LEPROTL1: variants seen among roughly 807,000 people sequenced by gnomAD.
LEPROTL1 encodes the protein leptin receptor overlapping transcript-like 1.
In LEPROTL1, 6 loss-of-function variants were observed where a neutral mutation model predicts 15.4. The observed-to-expected ratio is 0.39, with a 90% CI of 0.21 to 0.77. LEPROTL1 has a LOEUF of 0.77. Among genes scored for constraint, LEPROTL1 ranks in the 30% least tolerant of loss-of-function variants. The probability of loss-of-function intolerance (pLI) is 0.41; values close to 1 mark genes in which losing one functional copy is unlikely to be tolerated. For synonymous variants in LEPROTL1, 56 were observed against 52.6 expected (o/e 1.06, Z -0.28); for missense variants, 128 against 158.1 (o/e 0.81, Z 1.02).
intron 3 of LEPROTL1, among the ~76,000 whole-genome samples, chr8:30,121,697 C>A (rs1291805919): frequency 6.6e-6 from 1 of 152,084 alleles, no homozygotes. Flanking sequence ...CTGCTTTTTA[C>A]CCAATGCAGG....
intron 3 of LEPROTL1, among the ~76,000 whole-genome samples, chr8:30,128,467 G>A (rs1054951289): frequency 6.6e-6 from 1 of 151,972 alleles, no homozygotes; most frequent in Non-Finnish European, 1.5e-5. Context: ...AAAAAATTAC[G>A]GGGCTGGACA....
downstream of LEPROTL1, among the ~76,000 whole-genome samples, chr8:30,112,401 A>ATTTTTTTTTTTTTTTTTTTTTT (rs10684450): frequency 8.6e-4 from 24 of 27,888 alleles, 5 homozygotes; most frequent in East Asian, 1.7e-3. Context: ...TGCCCAGCTA[A>ATTTTTTTTTTTTTTTTTTTTTT]TTTTTTTTTT....
At position 30,122,804 on chromosome 8, in the gene LEPROTL1, T is replaced by G. The variant is rs150745459; in HGVS notation, c.280-9571T>G. On this transcript the variant is annotated intron_variant, in intron 3 of 4. Coordinates refer to the LEPROTL1 transcript ENST00000442880. Reference sequence around the variant, plus strand: ...TGCAAGACTCTCTCCCAAAAAAACTTTTGGGAGTTTAATTGGGATTGCATT... The same window carrying G: ...TGCAAGACTCTCTCCCAAAAAAACTGTTGGGAGTTTAATTGGGATTGCATT... Among the ~76,000 whole-genome samples the G allele has an allele frequency of 3.3e-4, 50 of 152,224 alleles. 1 individual carries two copies. The East Asian group carries it at 9.3e-3, about 28-fold the overall frequency.
intron 1 of LEPROTL1, chr8:30,095,949 A>G: frequency 1.5e-6 from 1 of 688,970 alleles, no homozygotes; most frequent in East Asian, 2.8e-5. Context: ...ATGGAAAACC[A>G]GTCATTTCCC....
intron 2 of LEPROTL1, 118 bp from the exon 3 acceptor site, chr8:30,104,182 G>A: frequency 3.8e-6 from 2 of 533,208 alleles, no homozygotes; most frequent in Non-Finnish European, 6.3e-6. Flanking sequence ...TTATGCTAAG[G>A]TTGGGTATCA....
rs1585466141 is a variant in LEPROTL1 at position 30,106,616 on chromosome 8, G to A, written c.*754G>A. On this transcript the variant is annotated 3_prime_UTR_variant, in exon 4 of 4. Coordinates refer to ENST00000321250, the MANE Select transcript of LEPROTL1 (RefSeq NM_015344.3). ...TTTTTGAGATAAGGTTTTTATTTATGTTTATTATTGTTAGAGTGAGTTGCA... is the reference window on the plus strand; with the variant it reads ...TTTTTGAGATAAGGTTTTTATTTATATTTATTATTGTTAGAGTGAGTTGCA... 1.1e-5 allele frequency: 11 copies of A among 983,056 alleles called. No homozygotes were observed. The highest frequency in any genetic ancestry group is 1.3e-5 in the Non-Finnish European group (11 of 827,472). The allele number at this position is 983,056 out of a possible 1,614,324, so 60.9% of individuals were successfully genotyped here.
intron 3 of LEPROTL1, among the ~76,000 whole-genome samples, chr8:30,125,549 G>A (rs898666816): frequency 2.6e-5 from 4 of 152,216 alleles, no homozygotes; most frequent in African/African-American, 9.7e-5. Flanking sequence ...GAGGCAGATT[G>A]GGAGATGGAT....
Position 30,095,535 on chromosome 8 carries a change from C to G in LEPROTL1, c.16+7C>G. ...GCCATGGCAGGCATCAAAGGTGGGCCTGGGTTGCAGGACGCGGGAGGGCTG... is the reference window on the plus strand; with the variant it reads ...GCCATGGCAGGCATCAAAGGTGGGCGTGGGTTGCAGGACGCGGGAGGGCTG... On this transcript the variant is annotated splice_region_variant and intron_variant, in intron 1 of 3. Coordinates refer to ENST00000321250, the MANE Select transcript of LEPROTL1 (RefSeq NM_015344.3). 7.0e-7 allele frequency: 1 copy of G among 1,433,358 alleles called. No individual in the cohort carries two copies. The highest frequency in any genetic ancestry group is 1.4e-5 in the South Asian group (1 of 72,448). The allele number at this position is 1,433,358 out of a possible 1,614,324, so 88.8% of individuals were successfully genotyped here. A position where few individuals can be genotyped will look rare whatever the true frequency, so the allele number is the denominator to read the frequency against.
At chr8:30,120,184 A>G (rs1802808299) in intron 3 of LEPROTL1, among the ~76,000 whole-genome samples, 2 of 152,154 alleles carry the variant, frequency 1.3e-5, no homozygotes, top group Non-Finnish European at 1.5e-5. Context: ...ATTACTAATG[A>G]GTTTTGCCCC....
chr8:30,104,721 T>C, intron 3 of LEPROTL1: 1 of 340,212 alleles, frequency 2.9e-6, no homozygotes, highest in African/African-American at 2.2e-5. Context: ...TTTCTTTTTT[T>C]TTTTTTTTTG....
chr8:30,130,781 ATTT>A (rs11411595), intron 3 of LEPROTL1, among the ~76,000 whole-genome samples: 4 of 134,038 alleles, frequency 3.0e-5, no homozygotes, highest in African/African-American at 1.1e-4. Flanking sequence ...TCAAAAAAAA[ATTT>A]TTTTTTTTTT....
chr8:30,116,895 C>T (rs1265350065), intron 3 of LEPROTL1, among the ~76,000 whole-genome samples: 1 of 151,978 alleles, frequency 6.6e-6, no homozygotes, highest in East Asian at 1.9e-4. Flanking sequence ...GGACTGGGCC[C>T]TCACCCTGTG....
rs1802562549 is a variant in LEPROTL1 at position 30,106,151 on chromosome 8, GA to G, written c.*290del. 4.0e-6 allele frequency: 4 copies of G among 999,818 alleles called. No individual in the cohort carries two copies. Among genetic ancestry groups the G allele is most frequent in the Non-Finnish European group, 4.8e-6 (4 of 839,064 alleles). The allele number at this position is 999,818 out of a possible 1,614,324, so 61.9% of individuals were successfully genotyped here. A position where few individuals can be genotyped will look rare whatever the true frequency, so the allele number is the denominator to read the frequency against. ...ATTTATGTGTTTTTCCTGTTAGGTT[GA>G]TTTTTTTTGGAATCAATATGCAATG... On this transcript the variant is annotated 3_prime_UTR_variant, in exon 4 of 4. Transcript: ENST00000321250.
At chr8:30,128,829 T>A (rs1802946170) in intron 3 of LEPROTL1, among the ~76,000 whole-genome samples, 1 of 150,968 alleles carries the variant, frequency 6.6e-6, no homozygotes, top group Admixed American at 6.6e-5. Context: ...CTCGAAGGAT[T>A]TTCATCAACT....
chr8:30,120,037 G>A (rs556175810), intron 3 of LEPROTL1, among the ~76,000 whole-genome samples: 1 of 152,048 alleles, frequency 6.6e-6, no homozygotes, highest in African/African-American at 2.4e-5. Flanking sequence ...CTGCACTCCA[G>A]ACTGGGCAAC....
intron 3 of LEPROTL1, chr8:30,117,794 A>C (rs1802765474): frequency 1.4e-6 from 1 of 736,220 alleles, no homozygotes; most frequent in South Asian, 1.5e-5. Flanking sequence ...GCGGCGCAGA[A>C]AGATGGCAGG....
intron 1 of LEPROTL1, among the ~76,000 whole-genome samples, chr8:30,097,060 T>G (rs1046622851): frequency 2.0e-5 from 3 of 152,246 alleles, no homozygotes; most frequent in Non-Finnish European, 4.4e-5. Flanking sequence ...TTTTGCTAGA[T>G]AATTGGGCTG....
At position 30,101,945 on chromosome 8, in the gene LEPROTL1, A is replaced by G. The variant is rs751220534; in HGVS notation, c.64A>G (p.Met22Val). 3 of 1,608,982 alleles carry G rather than the reference A, an allele frequency of 1.9e-6. No homozygotes were observed. The highest frequency in any genetic ancestry group is 2.5e-6 in the Non-Finnish European group (3 of 1,176,548). Residue 22 changes from methionine (M) to valine (V), a missense_variant, in exon 2 of 4, where the codon ATG (methionine) becomes GTG (valine). Coordinates refer to ENST00000321250, the MANE Select transcript of LEPROTL1 (RefSeq NM_015344.3). ...FGGAIGLMFL[M>V]LGCALPIYNK... ...AGGAGCAATCGGACTGATGTTTTTG[A>G]TGCTTGGATGTGCCCTTCCAATATA... is the stretch of plus-strand genomic sequence containing the variant.
At chr8:30,112,049 C>T (rs1802659312), downstream of LEPROTL1, among the ~76,000 whole-genome samples, 1 of 152,118 alleles carries the variant, frequency 6.6e-6, no homozygotes, top group Non-Finnish European at 1.5e-5. Flanking sequence ...TTTGCTCATC[C>T]ATATCACCTG....
Sources: gnomAD v4.1 joint callset for allele counts (sites outside exome capture counted in the v4.1 genomes callset) on GRCh38, gnomAD v4.1.1 for gene constraint, MANE v1.5 for transcripts, NCBI Gene and HGNC (gene_info 2026-07-23, HGNC 2026-07-21) for gene names.